Variants in CYB561 observed in about 807,000 individuals in gnomAD.
The protein encoded by CYB561 is cytochrome b561.
CYB561 carries 11 observed loss-of-function variants against 25.3 expected under a neutral mutation model. That is an observed-to-expected ratio of 0.44 (90% CI 0.27 to 0.72). The LOEUF is 0.72. Among genes scored for constraint, CYB561 ranks in the 30% least tolerant of loss-of-function variants. The probability of loss-of-function intolerance (pLI) is 0.18; values close to 1 mark genes in which losing one functional copy is unlikely to be tolerated. For missense variants in CYB561, 295 were observed against 334.9 expected (o/e 0.88, Z 0.93); for synonymous variants, 165 against 158.8 (o/e 1.04, Z -0.29).
chr17:63,444,172 C>T (rs1435937962), intron 1 of CYB561, among the ~76,000 whole-genome samples: 3 of 152,118 alleles, frequency 2.0e-5, no homozygotes, highest in Non-Finnish European at 4.4e-5. Flanking sequence ...TTTGTAGAGA[C>T]GCGCTTTCAC....
chr17:63,434,287 C>T lies in CYB561; in HGVS notation c.*115G>A. ...AGCAGCACTCAAACAGATGCAGCTG[C>T]ACCCACGCGCCCGCCTGCTGCCAGA... is the stretch of plus-strand genomic sequence containing the variant. On this transcript the variant is annotated 3_prime_UTR_variant, in exon 6 of 6. Transcript: ENST00000360793. The T allele has an allele frequency of 1.1e-6, 1 of 903,238 alleles. No individual in the cohort carries two copies. Among genetic ancestry groups the T allele is most frequent in the Non-Finnish European group, 1.6e-6 (1 of 610,204 alleles). The allele number at this position is 903,238 out of a possible 1,614,324, so 56.0% of individuals were successfully genotyped here.
intron 1 of CYB561, among the ~76,000 whole-genome samples, chr17:63,445,013 T>C (rs1167974072): frequency 6.6e-6 from 1 of 152,134 alleles, no homozygotes; most frequent in African/African-American, 2.4e-5. Flanking sequence ...CCGTCTCTCC[T>C]AAAAATGCAA....
intron 4 of CYB561, chr17:63,435,480 G>A (rs1394571717): frequency 4.4e-6 from 3 of 681,006 alleles, no homozygotes. Flanking sequence ...GGCCAAAAGT[G>A]CTGAGTCAGC....
chr17:63,436,176 G>C lies in CYB561; in HGVS notation c.203-24C>G, dbSNP rs747251060. On this transcript the variant is annotated intron_variant, in intron 2 of 5. Transcript: ENST00000360793. This position sits in a 1 kb window ranked among gnomAD's most constrained non-coding sequence, Gnocchi z 4.8. ...GGCTGTGGGAGGTGAGAGAGGGAACGTGAGTGCATCCGCCTGTGCGTGAGG... is the reference window on the plus strand; with the variant it reads ...GGCTGTGGGAGGTGAGAGAGGGAACCTGAGTGCATCCGCCTGTGCGTGAGG... 3 of 1,611,858 alleles carry C rather than the reference G, an allele frequency of 1.9e-6. No individual in the cohort carries two copies. Among genetic ancestry groups the C allele is most frequent in the African/African-American group, 1.3e-5 (1 of 74,900 alleles).
At chr17:63,444,693 T>C (rs1482262723) in intron 1 of CYB561, among the ~76,000 whole-genome samples, 3 of 152,298 alleles carry the variant, frequency 2.0e-5, no homozygotes, top group Admixed American at 6.5e-5. Context: ...ATCTGTGACA[T>C]TGTATATTCC....
upstream of CYB561, chr17:63,446,410 G>A (rs1207272833): frequency 6.6e-6 from 1 of 151,908 alleles, no homozygotes; most frequent in Non-Finnish European, 1.5e-5. Context: ...TGCCCCGCAC[G>A]TGCCAGGTCC....
chr17:63,435,628 C>T, intron 4 of CYB561, 60 bp downstream of exon 4: 2 of 1,365,244 alleles, frequency 1.5e-6, no homozygotes, highest in South Asian at 1.2e-5. Flanking sequence ...AGCCCAGCTC[C>T]CCTCCTCCTC....
At chr17:63,437,298 AG>A in intron 2 of CYB561, 47 bp downstream of exon 2, 1 of 1,502,360 alleles carries the variant, frequency 6.7e-7, no homozygotes, top group Non-Finnish European at 9.2e-7. Flanking sequence ...ACTGCCTCTC[AG>A]GGACCCCCAC....
intron 5 of CYB561, 150 bp from the exon 6 acceptor site, chr17:63,434,744 C>T: frequency 1.5e-6 from 1 of 673,762 alleles, no homozygotes; most frequent in Non-Finnish European, 2.4e-6. Flanking sequence ...ATCCCCCCGC[C>T]CCCAACCAGC....
In CYB561 at chr17:63,434,327, C is replaced by A. The variant is rs1568021355; in HGVS notation, c.*75G>T. On this transcript the variant is annotated 3_prime_UTR_variant, in exon 6 of 6. Coordinates refer to ENST00000360793, the MANE Select transcript of CYB561 (RefSeq NM_001915.4). ...CTGCTGCCAGAGCCACTCTCCGGAG[C>A]CTGCAGTCCTGAAGACGCCTCAGCA... The A allele has an allele frequency of 7.4e-7, 1 of 1,343,702 alleles. No individual in the cohort carries two copies. The highest frequency in any genetic ancestry group is 1.0e-6 in the Non-Finnish European group (1 of 1,002,394). The allele number at this position is 1,343,702 out of a possible 1,614,324, so 83.2% of individuals were successfully genotyped here.
chr17:63,438,793 G>A (rs1165861489), intron 1 of CYB561, among the ~76,000 whole-genome samples: 1 of 152,246 alleles, frequency 6.6e-6, no homozygotes, highest in Non-Finnish European at 1.5e-5. Flanking sequence ...AGTGCCCAGT[G>A]CCTGCACAGC....
At chr17:63,440,586 A>C in intron 1 of CYB561, 1 of 218,406 alleles carries the variant, frequency 4.6e-6, no homozygotes, top group Non-Finnish European at 9.0e-6. Context: ...TAGGCCCTCT[A>C]GAGGAGACGC....
In CYB561 at chr17:63,436,186, C is replaced by T. The variant is rs370355652; in HGVS notation, c.203-34G>A. ...GGTGAGAGAGGGAACGTGAGTGCAT[C>T]CGCCTGTGCGTGAGGCCTCCTGCCC... On this transcript the variant is annotated intron_variant, in intron 2 of 5. Transcript: ENST00000360793. The surrounding 1 kb of genome is among the most constrained non-coding windows in gnomAD (Gnocchi z 4.8). 9 of 1,605,626 alleles carry T rather than the reference C, an allele frequency of 5.6e-6. No individual in the cohort carries two copies. Among genetic ancestry groups the T allele is most frequent in the South Asian group, 1.1e-5 (1 of 90,724 alleles).
At chr17:63,438,479 T>G (rs1263991870) in intron 1 of CYB561, among the ~76,000 whole-genome samples, 1 of 10,790 alleles carries the variant, frequency 9.3e-5, no homozygotes, top group Non-Finnish European at 1.9e-4. Flanking sequence ...CCCACCCCGC[T>G]CCCCGCCCGG....
intron 1 of CYB561, chr17:63,440,289 G>A (rs773113830): frequency 1.6e-4 from 65 of 398,510 alleles, no homozygotes; most frequent in Middle Eastern, 6.2e-4. Flanking sequence ...TAGCTAGCAG[G>A]GCTGCCCTTC....
chr17:63,435,192 G>A lies in CYB561; in HGVS notation c.457C>T (p.Arg153Trp), dbSNP rs776156464. ...ATGTGCTGTGGGCGGTAGCGGCTCC[G>A]CAGGGAGAATGAAGCTCCGGGGAAC... ...FLFPGASFSL[R>W]SRYRPQHIFF... The change falls in exon 5 of 6, where the codon CGG becomes TGG. Residue 153 changes from arginine (R) to tryptophan (W), a missense_variant. Physicochemically the swap from Arg to Trp is moderately radical, Grantham distance 101 (BLOSUM62 -3). Coordinates refer to ENST00000360793, the MANE Select transcript of CYB561 (RefSeq NM_001915.4). 19 of 1,613,966 alleles carry A rather than the reference G, an allele frequency of 1.2e-5. No homozygotes were observed. Among genetic ancestry groups the A allele is most frequent in the East Asian group, 4.5e-5 (2 of 44,898 alleles).
intron 4 of CYB561, 62 bp from the exon 5 acceptor site, chr17:63,435,305 G>A (rs192119270): frequency 1.6e-5 from 25 of 1,569,136 alleles, no homozygotes; most frequent in Admixed American, 7.1e-5. Context: ...AGCCGAGGTC[G>A]GCCAGGCCCA....
At position 63,437,506 on chromosome 17, in the gene CYB561, A is replaced by G. The variant is rs1472582997; in HGVS notation, c.42T>C (p.Pro14=). 1.2e-6 allele frequency: 2 copies of G among 1,613,426 alleles called. No homozygotes were observed. The highest frequency in any genetic ancestry group is 1.7e-6 in the Non-Finnish European group (2 of 1,179,938). Residue 14 remains proline, a synonymous_variant, in exon 2 of 6, where the codon CCT becomes CCC. Transcript: ENST00000360793. ...GAAAATPTAL[P]YYVAFSQLLG... The stretch of plus-strand genomic sequence containing the variant: ...GCAGCTGGGAGAAGGCCACGTAGTA[A>G]GGCAGTGCTGTGGGGGTGGCTGCCG...
At chr17:63,444,418 G>GT (rs1213954488) in intron 1 of CYB561, among the ~76,000 whole-genome samples, 1 of 152,252 alleles carries the variant, frequency 6.6e-6, no homozygotes, top group East Asian at 1.9e-4. Flanking sequence ...CACAGAAGGA[G>GT]TAAGTGGATA....
Sources: gnomAD v4.1 joint callset for allele counts (sites outside exome capture counted in the v4.1 genomes callset) on GRCh38, gnomAD v4.1.1 for gene constraint, Gnocchi (gnomAD v3.1) non-coding constraint, MANE v1.5 for transcripts, NCBI Gene and HGNC (gene_info 2026-07-23, HGNC 2026-07-21) for gene names.